The following FILIP1L variants were observed in gnomAD, a reference collection of about 807,000 sequenced individuals.
The protein encoded by FILIP1L is filamin A-interacting protein 1-like.
FILIP1L carries 55 observed loss-of-function variants against 96.6 expected under a neutral mutation model. The observed-to-expected ratio is 0.57, with a 90% confidence interval of 0.46 to 0.71. The LOEUF (loss-of-function observed/expected upper bound fraction) is 0.71, where lower values mean the gene tolerates loss of function less well. FILIP1L is among the 30% of genes least tolerant of loss of function. FILIP1L has a pLI of 0.00. For missense variants in FILIP1L, 1,304 were observed against 1,321.2 expected (o/e 0.99, Z 0.20); for synonymous variants, 467 against 473.9 (o/e 0.99, Z 0.19).
intron 1 of FILIP1L, among the ~76,000 whole-genome samples, chr3:99,950,895 G>A (rs1054188169): frequency 1.3e-5 from 2 of 152,122 alleles, no homozygotes; most frequent in Non-Finnish European, 1.5e-5. Flanking sequence ...AACTGATCAC[G>A]GAGACAGTAG....
At chr3:99,862,324 A>C (rs1392751945) in intron 4 of FILIP1L, among the ~76,000 whole-genome samples, 1 of 152,188 alleles carries the variant, frequency 6.6e-6, no homozygotes, top group Non-Finnish European at 1.5e-5. Flanking sequence ...AGCTGACCTA[A>C]AGTAGGGGTC....
chr3:100,054,406 G>C (rs999462253), intron 1 of FILIP1L, among the ~76,000 whole-genome samples: 3 of 152,184 alleles, frequency 2.0e-5, no homozygotes, highest in African/African-American at 7.2e-5. Flanking sequence ...GCTGGGGAGT[G>C]GCTGTCCCGT....
intron 1 of FILIP1L, among the ~76,000 whole-genome samples, chr3:100,029,914 G>C (rs989035517): frequency 6.6e-6 from 1 of 152,154 alleles, no homozygotes; most frequent in Non-Finnish European, 1.5e-5. Flanking sequence ...AAGACCAAGA[G>C]ATCTTGGAAC....
chr3:99,849,821 G>A lies in FILIP1L; in HGVS notation c.1855C>T (p.His619Tyr), dbSNP rs1314058615. ...QDSGKSTTAL[H>Y]QENNKIKELS... The stretch of plus-strand genomic sequence containing the variant: ...TCCTTAATCTTATTGTTTTCTTGGT[G>A]TAATGCTGTTGTGGATTTCCCAGAG... The change falls in exon 5 of 6, where the codon CAC becomes TAC. Residue 619 changes from histidine to tyrosine, a missense_variant. Coordinates refer to ENST00000477258, the MANE Select transcript of FILIP1L (RefSeq NM_001387850.1). 6.2e-7 allele frequency: 1 copy of A among 1,611,764 alleles called. No homozygotes were observed. Among genetic ancestry groups the A allele is most frequent in the East Asian group, 2.2e-5 (1 of 44,872 alleles).
At chr3:100,073,981 TCTC>T (rs2065804585) in intron 1 of FILIP1L, among the ~76,000 whole-genome samples, 1 of 151,984 alleles carries the variant, frequency 6.6e-6, no homozygotes, top group Admixed American at 6.6e-5. Flanking sequence ...ACGCCATGGT[TCTC>T]CTTCCCTTTT....
chr3:100,012,483 A>G (rs988615976), intron 1 of FILIP1L, among the ~76,000 whole-genome samples: 1 of 152,218 alleles, frequency 6.6e-6, no homozygotes, highest in Non-Finnish European at 1.5e-5. Flanking sequence ...GGAGGAAATC[A>G]AGAGCCTTAA....
intron 1 of FILIP1L, among the ~76,000 whole-genome samples, chr3:100,001,760 A>G (rs1253085564): frequency 6.6e-6 from 1 of 152,188 alleles, no homozygotes. Flanking sequence ...TTTGAATTTA[A>G]ACCAGTCTGC....
At position 99,965,946 on chromosome 3, in the gene FILIP1L, C is replaced by T. The variant is rs1209626864; in HGVS notation, c.-10-34916G>A. 2.6e-5 allele frequency among the ~76,000 whole-genome samples: 4 copies of T among 152,252 alleles called. No homozygotes were observed. The South Asian group carries it at 6.2e-4, about 24-fold the overall frequency. On this transcript the variant is annotated intron_variant, in intron 1 of 5. Transcript: ENST00000477258. ...TCTCCTGTCCCGCCTGCCACCAGTT[C>T]TCCACTCTCTCCCCATATGTAAGCC...
At chr3:99,970,842 G>T (rs1391137710) in intron 1 of FILIP1L, among the ~76,000 whole-genome samples, 2 of 152,198 alleles carry the variant, frequency 1.3e-5, no homozygotes, top group Non-Finnish European at 2.9e-5. Flanking sequence ...GCAAAATGTT[G>T]TGAGGATATT....
intron 1 of FILIP1L, among the ~76,000 whole-genome samples, chr3:100,079,460 A>G (rs1486031042): frequency 6.6e-6 from 1 of 152,190 alleles, no homozygotes; most frequent in Non-Finnish European, 1.5e-5. Flanking sequence ...CACTGAAGTG[A>G]TGTTTATGTT....
At chr3:100,114,018 C>T (rs2066532407) in intron 1 of FILIP1L, 35 bp downstream of exon 1, 1 of 152,178 alleles carries the variant, frequency 6.6e-6, no homozygotes, top group East Asian at 1.9e-4. Flanking sequence ...CATCCCAAAG[C>T]CTCTTCTCAG....
intron 4 of FILIP1L, among the ~76,000 whole-genome samples, chr3:99,900,842 T>C (rs1706412034): frequency 6.6e-6 from 1 of 152,222 alleles, no homozygotes; most frequent in South Asian, 2.1e-4. Flanking sequence ...TAAAAGCTTC[T>C]CTGGTGATTC....
In FILIP1L at chr3:100,005,078, A is replaced by G. The variant is rs41444055; in HGVS notation, c.-10-74048T>C. ...CAGGACGTAACCAGAAAGCCAGTAA[A>G]GGTTCAACTCTTATGAATAGGAAAG... On this transcript the variant is annotated intron_variant, in intron 1 of 5. Transcript: ENST00000477258. Among the ~76,000 whole-genome samples the G allele has an allele frequency of 4.5e-3, 691 of 152,336 alleles. 7 individuals carry two copies. The highest frequency in any genetic ancestry group is 0.016 in the African/African-American group (677 of 41,580).
intron 4 of FILIP1L, among the ~76,000 whole-genome samples, chr3:99,923,388 A>G (rs1436626662): frequency 6.6e-6 from 1 of 152,210 alleles, no homozygotes; most frequent in Admixed American, 6.5e-5. Flanking sequence ...CTCACCAAGT[A>G]GAAACCATCC....
At chr3:99,907,388 C>T (rs1706652839) in intron 4 of FILIP1L, among the ~76,000 whole-genome samples, 1 of 152,112 alleles carries the variant, frequency 6.6e-6, no homozygotes, top group Admixed American at 6.5e-5. Context: ...GCTGGGACTA[C>T]AGGCGCCCAC....
chr3:99,861,036 C>A (rs1486447061), intron 4 of FILIP1L, among the ~76,000 whole-genome samples: 1 of 152,082 alleles, frequency 6.6e-6, no homozygotes, highest in Non-Finnish European at 1.5e-5. Flanking sequence ...GCTAGAGAGT[C>A]TACTCATTTT....
At chr3:100,006,675 A>G (rs1709997013) in intron 1 of FILIP1L, among the ~76,000 whole-genome samples, 1 of 151,790 alleles carries the variant, frequency 6.6e-6, no homozygotes, top group South Asian at 2.1e-4. Flanking sequence ...AAAAAATTCC[A>G]GCTTGGGTTG....
Position 100,023,577 on chromosome 3 carries a change from C to T in FILIP1L, c.-11+90476G>A, listed in dbSNP as rs914674740. 4 of 152,592 alleles carry T rather than the reference C, an allele frequency of 2.6e-5. No individual in the cohort carries two copies. In the South Asian group the frequency reaches 8.3e-4, roughly 32 times the overall value. 9.5% of individuals were successfully genotyped at this position (152,592 alleles called of 1,614,324 possible). On this transcript the variant is annotated intron_variant, in intron 1 of 5. Transcript: ENST00000477258. ...TGGGGGGAGAGAACATTTTTGTAAA[C>T]AGATCTGGCTTTTATTTTTGCTTGG...
chr3:99,943,174 A>G (rs190159619), intron 1 of FILIP1L, among the ~76,000 whole-genome samples: 1 of 152,266 alleles, frequency 6.6e-6, no homozygotes, highest in Non-Finnish European at 1.5e-5. Flanking sequence ...AAACAAATCT[A>G]GTGAATCTAG....
Sources: gnomAD v4.1 joint callset for allele counts (sites outside exome capture counted in the v4.1 genomes callset) on GRCh38, gnomAD v4.1.1 for gene constraint, MANE v1.5 for transcripts, NCBI Gene and HGNC (gene_info 2026-07-23, HGNC 2026-07-21) for gene names.